The following RALYL variants were observed in gnomAD, a reference collection of about 807,000 sequenced individuals.
The protein encoded by RALYL is RALY RNA binding protein like.
Under a neutral mutation model 35.1 loss-of-function variants are expected in RALYL, and 29 were observed. That is an observed-to-expected ratio of 0.83 (90% CI 0.61 to 1.13). The LOEUF (loss-of-function observed/expected upper bound fraction) is 1.13, where lower values mean the gene tolerates loss of function less well. Among genes scored for constraint, RALYL ranks in the 50% most tolerant of loss-of-function variants. RALYL has a pLI of 0.00. For synonymous variants in RALYL, 120 were observed against 127.6 expected (o/e 0.94, Z 0.40); for missense variants, 359 against 360.4 (o/e 1.00, Z 0.03).
chr8:84,387,293 G>A (rs757610093), intron 1 of RALYL, among the ~76,000 whole-genome samples: 3 of 151,654 alleles, frequency 2.0e-5, no homozygotes, highest in Non-Finnish European at 4.4e-5. Context: ...TGAACTCACC[G>A]CCAAAAAGCA....
At chr8:84,917,512 G>C (rs1472988146) in intron 8 of RALYL, among the ~76,000 whole-genome samples, 2 of 150,966 alleles carry the variant, frequency 1.3e-5, no homozygotes, top group East Asian at 1.9e-4. Context: ...AAATGTGCAG[G>C]TAAATTATTA....
chr8:84,512,491 C>T (rs1209810030), intron 1 of RALYL, among the ~76,000 whole-genome samples: 7 of 152,110 alleles, frequency 4.6e-5, no homozygotes, highest in Non-Finnish European at 8.8e-5. Context: ...TGTCTCCCCA[C>T]TCTGTTAATT....
At chr8:84,521,440 C>T (rs529851845) in intron 1 of RALYL, among the ~76,000 whole-genome samples, 14 of 152,262 alleles carry the variant, frequency 9.2e-5, no homozygotes, top group African/African-American at 3.4e-4. Context: ...TTATTTGTTC[C>T]ATTGGTTATT....
At chr8:84,345,348 A>T (rs960018258) in intron 1 of RALYL, among the ~76,000 whole-genome samples, 4 of 152,094 alleles carry the variant, frequency 2.6e-5, no homozygotes, top group Admixed American at 2.6e-4. Context: ...ACTTTTCATT[A>T]GAAAGTATTA....
chr8:84,296,923 A>T (rs1440568193), intron 1 of RALYL, among the ~76,000 whole-genome samples: 1 of 151,864 alleles, frequency 6.6e-6, no homozygotes, highest in Non-Finnish European at 1.5e-5. Context: ...AAATGTACGT[A>T]TGAGAGAGAG....
chr8:84,477,940 G>T (rs913766054), intron 1 of RALYL, among the ~76,000 whole-genome samples: 18 of 151,952 alleles, frequency 1.2e-4, no homozygotes, highest in African/African-American at 4.3e-4. Flanking sequence ...TAATAGATAA[G>T]AAATAGTTTT....
At position 84,587,593 on chromosome 8, in the gene RALYL, C is replaced by T. The variant is rs1186206233; in HGVS notation, c.256+58016C>T. Among the ~76,000 whole-genome samples the T allele has an allele frequency of 2.0e-5, 3 of 152,266 alleles. No homozygotes were observed. In the East Asian group the frequency reaches 5.8e-4, roughly 29 times the overall value. The stretch of plus-strand genomic sequence containing the variant: ...AGCAGCATTTCTAAACTAATTTGAT[C>T]AGAAAACCTCTTTTGATTGAAAGCC... On this transcript the variant is annotated intron_variant, in intron 2 of 8. Transcript: ENST00000521268.
chr8:84,398,020 G>T (rs959262053), intron 1 of RALYL, among the ~76,000 whole-genome samples: 2 of 152,248 alleles, frequency 1.3e-5, no homozygotes, highest in South Asian at 4.1e-4. Flanking sequence ...TGATTTGAAG[G>T]TTTTTGTATC....
chr8:84,765,366 ACTCT>A (rs2133423637), intron 2 of RALYL, among the ~76,000 whole-genome samples: 1 of 152,192 alleles, frequency 6.6e-6, no homozygotes, highest in Non-Finnish European at 1.5e-5. Flanking sequence ...TCTGCTGCTA[ACTCT>A]CAGACAGTCC....
In RALYL at chr8:84,880,249, A is replaced by T. The variant is rs1465626440; in HGVS notation, c.685+6852A>T. Among the ~76,000 whole-genome samples the T allele has an allele frequency of 2.0e-5, 3 of 152,062 alleles. No homozygotes were observed. The East Asian group carries it at 5.8e-4, about 29-fold the overall frequency. On this transcript the variant is annotated intron_variant, in intron 7 of 8. Coordinates refer to ENST00000521268, the MANE Select transcript of RALYL (RefSeq NM_173848.7). ...TGCCTCTCAAATGGGCAGAGAAAGA[A>T]TTTACAATTGCAAGTTTGCTAAAGC... is the stretch of plus-strand genomic sequence containing the variant.
intron 2 of RALYL, among the ~76,000 whole-genome samples, chr8:84,590,743 C>A (rs1813055027): frequency 6.6e-6 from 1 of 152,156 alleles, no homozygotes; most frequent in African/African-American, 2.4e-5. Context: ...TACTGCCAAG[C>A]AATAACTGTA....
At chr8:84,211,848 T>C (rs534449698) in intron 1 of RALYL, among the ~76,000 whole-genome samples, 13 of 152,088 alleles carry the variant, frequency 8.5e-5, no homozygotes, top group Non-Finnish European at 1.6e-4. Flanking sequence ...TGTGGAGACA[T>C]AATAATAATA....
At chr8:84,417,256 C>T (rs1048218151) in intron 1 of RALYL, among the ~76,000 whole-genome samples, 3 of 152,034 alleles carry the variant, frequency 2.0e-5, no homozygotes, top group African/African-American at 4.8e-5. Flanking sequence ...CTTTTCTTAA[C>T]GTTTAAAAAT....
chr8:84,337,209 C>A (rs1847960637), intron 1 of RALYL, among the ~76,000 whole-genome samples: 3 of 151,666 alleles, frequency 2.0e-5, no homozygotes. Flanking sequence ...TGATTCATTT[C>A]AGTATTGTTA....
chr8:84,536,167 T>G (rs2059592566), intron 2 of RALYL, among the ~76,000 whole-genome samples: 1 of 152,102 alleles, frequency 6.6e-6, no homozygotes, highest in South Asian at 2.1e-4. Flanking sequence ...TACACTGACT[T>G]TTAGAGGTGT....
intron 2 of RALYL, among the ~76,000 whole-genome samples, chr8:84,735,084 G>T (rs1345819400): frequency 6.7e-6 from 1 of 150,282 alleles, no homozygotes; most frequent in Non-Finnish European, 1.5e-5. Context: ...GGCCACAAAT[G>T]GTCAGAAGCA....
At chr8:84,379,914 G>A (rs889101580) in intron 1 of RALYL, among the ~76,000 whole-genome samples, 3 of 151,018 alleles carry the variant, frequency 2.0e-5, no homozygotes, top group Admixed American at 2.0e-4. Flanking sequence ...AAAATATGCT[G>A]TTTTAATACT....
intron 2 of RALYL, among the ~76,000 whole-genome samples, chr8:84,682,822 T>A (rs911745938): frequency 7.9e-5 from 12 of 152,176 alleles, no homozygotes; most frequent in African/African-American, 2.9e-4. Context: ...TTGATGGGTT[T>A]TTTTTTGTCT....
intron 1 of RALYL, among the ~76,000 whole-genome samples, chr8:84,293,295 T>A (rs1453361024): frequency 6.6e-6 from 1 of 152,166 alleles, no homozygotes; most frequent in Non-Finnish European, 1.5e-5. Flanking sequence ...ATGACTACAA[T>A]GGTAGAACCA....
Sources: gnomAD v4.1 joint callset for allele counts (sites outside exome capture counted in the v4.1 genomes callset) on GRCh38, gnomAD v4.1.1 for gene constraint, MANE v1.5 for transcripts, NCBI Gene and HGNC (gene_info 2026-07-23, HGNC 2026-07-21) for gene names.